RABGAP1L: variants seen among roughly 807,000 people sequenced by gnomAD.
The protein encoded by RABGAP1L is rab GTPase-activating protein 1-like.
RABGAP1L carries 63 observed loss-of-function variants against 137.7 expected under a neutral mutation model. The ratio of observed to expected loss-of-function variants is 0.46; its 90% CI spans 0.37 to 0.56. RABGAP1L has a LOEUF of 0.56. RABGAP1L is among the 20% of genes least tolerant of loss of function. The probability of loss-of-function intolerance (pLI) is 0.00; values close to 1 mark genes in which losing one functional copy is unlikely to be tolerated. For synonymous variants in RABGAP1L, 431 were observed against 433.7 expected (o/e 0.99, Z 0.08); for missense variants, 1,095 against 1,244.0 (o/e 0.88, Z 1.80).
chr1:174,179,173 AT>A (rs926521820), intron 1 of RABGAP1L, among the ~76,000 whole-genome samples: 61 of 147,144 alleles, frequency 4.1e-4, no homozygotes, highest in Middle Eastern at 3.5e-3. Flanking sequence ...GCCTAAGCTG[AT>A]TTTTTTTTTT....
intron 18 of RABGAP1L, among the ~76,000 whole-genome samples, chr1:174,791,126 G>A (rs1459060305): frequency 6.6e-6 from 1 of 151,770 alleles, no homozygotes; most frequent in Non-Finnish European, 1.5e-5. Context: ...AGGAGGCAGA[G>A]GTTGCAGTGA....
intron 14 of RABGAP1L, among the ~76,000 whole-genome samples, chr1:174,652,402 G>A (rs1303190796): frequency 6.6e-6 from 1 of 152,138 alleles, no homozygotes; most frequent in Non-Finnish European, 1.5e-5. Context: ...GGAATTTTCA[G>A]CCTTTTTCCG....
intron 1 of RABGAP1L, among the ~76,000 whole-genome samples, chr1:174,207,945 G>T (rs533262002): frequency 6.6e-6 from 1 of 152,196 alleles, no homozygotes; most frequent in Non-Finnish European, 1.5e-5. Flanking sequence ...GTTATTTTTT[G>T]AATCAAGTAC....
intron 17 of RABGAP1L, among the ~76,000 whole-genome samples, chr1:174,712,690 G>GA (rs1215849671): frequency 1.3e-5 from 2 of 152,214 alleles, no homozygotes; most frequent in Non-Finnish European, 2.9e-5. Flanking sequence ...CTTTCTCTAA[G>GA]AAGTTTTCCC....
At chr1:174,399,088 TC>T (rs577779964) in intron 13 of RABGAP1L, among the ~76,000 whole-genome samples, 7 of 152,190 alleles carry the variant, frequency 4.6e-5, no homozygotes, top group Non-Finnish European at 1.0e-4. Context: ...GTGGCTCTAA[TC>T]ATGTGCGTTT....
At chr1:174,230,997 C>T in intron 3 of RABGAP1L, 148 bp from the exon 4 acceptor site, 2 of 567,094 alleles carry the variant, frequency 3.5e-6, no homozygotes, top group Admixed American at 3.3e-5. Flanking sequence ...ATTTTAAATC[C>T]TAAAATTTTA....
chr1:174,234,967 TGAG>T (rs2148522308), intron 4 of RABGAP1L, among the ~76,000 whole-genome samples: 1 of 113,184 alleles, frequency 8.8e-6, no homozygotes, highest in East Asian at 2.4e-4. Flanking sequence ...TAGTTCTCCT[TGAG>T]GAGGTCCTTC....
intron 4 of RABGAP1L, among the ~76,000 whole-genome samples, 194 bp from the exon 5 acceptor site, chr1:174,241,289 C>T (rs182660613): frequency 1.4e-4 from 22 of 151,980 alleles, no homozygotes; most frequent in African/African-American, 5.3e-4. Flanking sequence ...CACTTCACTC[C>T]AGCCTGGGGG....
At chr1:174,383,137 G>A (rs1686339690) in intron 12 of RABGAP1L, among the ~76,000 whole-genome samples, 1 of 151,002 alleles carries the variant, frequency 6.6e-6, no homozygotes, top group African/African-American at 2.4e-5. Flanking sequence ...TGAGGAGGCA[G>A]TCTGCCCGTT....
intron 19 of RABGAP1L, among the ~76,000 whole-genome samples, chr1:174,946,938 A>ATGTG (rs1260955516): frequency 6.7e-4 from 44 of 65,374 alleles, no homozygotes; most frequent in African/African-American, 2.2e-3. Flanking sequence ...ATATATATAT[A>ATGTG]TATGTGTGTG....
At chr1:174,663,458 G>A (rs1443906555) in intron 14 of RABGAP1L, among the ~76,000 whole-genome samples, 1 of 152,146 alleles carries the variant, frequency 6.6e-6, no homozygotes, top group Non-Finnish European at 1.5e-5. Context: ...TAGCCTACAT[G>A]TGTAATAAGC....
At chr1:174,684,323 G>T (rs1317595385) in intron 15 of RABGAP1L, among the ~76,000 whole-genome samples, 1 of 152,148 alleles carries the variant, frequency 6.6e-6, no homozygotes. Context: ...ACAGAAATGA[G>T]ATTGGAGAAG....
At chr1:174,256,743 T>G (rs1289656241) in intron 7 of RABGAP1L, among the ~76,000 whole-genome samples, 1 of 152,174 alleles carries the variant, frequency 6.6e-6, no homozygotes, top group Non-Finnish European at 1.5e-5. Flanking sequence ...ATCACGCCAT[T>G]GCACTCCAGC....
chr1:174,324,860 C>G (rs1230806227), intron 11 of RABGAP1L, among the ~76,000 whole-genome samples: 3 of 152,056 alleles, frequency 2.0e-5, no homozygotes, highest in Admixed American at 1.3e-4. Flanking sequence ...TCTGTTCTTA[C>G]AAGTTCATTA....
chr1:174,204,269 C>T (rs183456652), intron 1 of RABGAP1L, among the ~76,000 whole-genome samples: 46 of 152,022 alleles, frequency 3.0e-4, no homozygotes, highest in Non-Finnish European at 5.9e-4. Context: ...GATTTTGTAT[C>T]CTGAAACTTT....
At chr1:174,305,211 T>G (rs2860909) in intron 11 of RABGAP1L, 84 bp downstream of exon 11, 334,454 of 1,338,212 alleles carry the variant, frequency 0.25, 43,777 homozygotes, top group African/African-American at 0.44. Context: ...GTGTTGTGGG[T>G]AGAAGTGGTG....
chr1:174,685,497 C>G (rs1678390632), intron 15 of RABGAP1L, among the ~76,000 whole-genome samples: 1 of 152,104 alleles, frequency 6.6e-6, no homozygotes, highest in African/African-American at 2.4e-5. Context: ...TCGTGATCCA[C>G]CTGCCTCAGC....
chr1:174,297,240 T>G lies in RABGAP1L; in HGVS notation c.1324-7746T>G, dbSNP rs530127656. ...TTACATGACATAGTGTTGCAGGTTTTCTTTAGTTCAGCTAAAGACGGGGTC... is the reference window on the plus strand; with the variant it reads ...TTACATGACATAGTGTTGCAGGTTTGCTTTAGTTCAGCTAAAGACGGGGTC... On this transcript the variant is annotated intron_variant, in intron 10 of 25. Transcript: ENST00000681986. 1.4e-3 allele frequency among the ~76,000 whole-genome samples: 220 copies of G among 152,348 alleles called. 1 individual carries two copies. The highest frequency in any genetic ancestry group is 4.1e-3 in the South Asian group (20 of 4,824).
intron 13 of RABGAP1L, among the ~76,000 whole-genome samples, chr1:174,511,332 A>T (rs1332487957): frequency 1.3e-5 from 2 of 152,218 alleles, no homozygotes; most frequent in Non-Finnish European, 2.9e-5. Context: ...GTGCTGATAA[A>T]TATGCAATTT....
Sources: allele counts gnomAD v4.1 joint callset (sites outside exome capture counted in the v4.1 genomes callset), GRCh38; gene constraint gnomAD v4.1.1; transcripts MANE v1.5; gene names NCBI Gene and HGNC (gene_info 2026-07-23, HGNC 2026-07-21).